The following GABRA3 variants were observed in gnomAD, a reference collection of about 807,000 sequenced individuals.
GABRA3 encodes gamma-aminobutyric acid receptor subunit alpha-3.
GABRA3 carries 10 observed loss-of-function variants against 30.1 expected under a neutral mutation model. The observed-to-expected ratio is 0.33, with a 90% CI of 0.20 to 0.56. The LOEUF is 0.56. Among genes scored for constraint, GABRA3 ranks in the 20% least tolerant of loss-of-function variants. The pLI is 0.89. For missense variants in GABRA3, 233 were observed against 392.0 expected (o/e 0.59, Z 3.42); for synonymous variants, 151 against 146.8 (o/e 1.03, Z -0.21).
At chrX:152,399,217 C>T (rs986012173) in intron 1 of GABRA3, among the ~76,000 whole-genome samples, 1 of 111,445 alleles carries the variant, frequency 9.0e-6, no homozygotes, top group African/African-American at 3.3e-5. Context: ...CAAGTTTAAT[C>T]CATGTATTCA....
chrX:152,333,613 T>C (rs1002852284), intron 3 of GABRA3, among the ~76,000 whole-genome samples: 4 of 112,015 alleles, frequency 3.6e-5, no homozygotes, highest in African/African-American at 1.3e-4. Context: ...ACAAATGTTA[T>C]TTTATCCTTC....
chrX:152,320,680 T>G (rs753097522), intron 3 of GABRA3, among the ~76,000 whole-genome samples: 30 of 110,953 alleles, frequency 2.7e-4, no homozygotes, highest in Admixed American at 4.8e-4. Flanking sequence ...AAGAACTTAC[T>G]CATGTAACAA....
intron 3 of GABRA3, among the ~76,000 whole-genome samples, chrX:152,314,973 T>C (rs1410772012): frequency 9.0e-6 from 1 of 110,815 alleles, no homozygotes; most frequent in African/African-American, 3.3e-5. Context: ...ATTTTTTTTC[T>C]AGGAAAAAAA....
chrX:152,439,569 T>C (rs1367702056), intron 1 of GABRA3, among the ~76,000 whole-genome samples: 1 of 111,487 alleles, frequency 9.0e-6, no homozygotes, highest in African/African-American at 3.3e-5. Context: ...AGTTAGACAT[T>C]TACTTTGCAT....
chrX:152,330,271 T>C (rs948840710), intron 3 of GABRA3, among the ~76,000 whole-genome samples: 3 of 111,872 alleles, frequency 2.7e-5, no homozygotes, highest in Admixed American at 9.5e-5. Context: ...CTAGTTCAAC[T>C]ATTGTGGAAG....
chrX:152,200,523 G>A (rs988485693), intron 7 of GABRA3, among the ~76,000 whole-genome samples: 4 of 108,948 alleles, frequency 3.7e-5, no homozygotes, highest in African/African-American at 1.3e-4. Flanking sequence ...TTCTTTCTTT[G>A]TTTTATCTTC....
At position 152,400,383 on chromosome X, in the gene GABRA3, C is replaced by T. The variant is rs191763962; in HGVS notation, c.-26-35787G>A. ...AATTAGCTGGGCATCGTGACACGTG[C>T]CTGTAGTCCCAGCTACTTGGAAGGC... On this transcript the variant is annotated intron_variant, in intron 1 of 9. Transcript: ENST00000370314. Among the ~76,000 whole-genome samples the T allele has an allele frequency of 4.1e-3, 451 of 110,585 alleles. 1 individual carries two copies. Among genetic ancestry groups the T allele is most frequent in the African/African-American group, 0.014 (415 of 30,423 alleles).
At chrX:152,209,728 C>G (rs778425401) in intron 6 of GABRA3, among the ~76,000 whole-genome samples, 248 of 112,383 alleles carry the variant, frequency 2.2e-3, no homozygotes, top group Non-Finnish European at 3.8e-3. Flanking sequence ...TTCAATACAC[C>G]TAAATAAGTC....
intron 3 of GABRA3, among the ~76,000 whole-genome samples, chrX:152,287,214 T>C (rs1939312651): frequency 1.8e-5 from 2 of 112,010 alleles, no homozygotes; most frequent in South Asian, 7.4e-4. Context: ...TGTAAGATAG[T>C]CATGCAGACT....
intron 4 of GABRA3, among the ~76,000 whole-genome samples, chrX:152,258,050 A>G (rs974894485): frequency 8.9e-6 from 1 of 111,978 alleles, no homozygotes; most frequent in Non-Finnish European, 1.9e-5. Context: ...CCTTAATGAC[A>G]AAACACCTAA....
chrX:152,243,117 T>C (rs973078559), intron 5 of GABRA3, among the ~76,000 whole-genome samples: 9 of 111,724 alleles, frequency 8.1e-5, no homozygotes, highest in African/African-American at 2.9e-4. Context: ...GAAAGACAAA[T>C]ACTCTACAAT....
At chrX:152,234,430 C>A (rs143561696) in intron 5 of GABRA3, among the ~76,000 whole-genome samples, 15,277 of 109,662 alleles carry the variant, frequency 0.14, 833 homozygotes, top group Admixed American at 0.22. Context: ...TGTCTATTCA[C>A]TTTTTTGATT....
chrX:152,185,790 T>C (rs1158453306), intron 9 of GABRA3, among the ~76,000 whole-genome samples: 1 of 112,222 alleles, frequency 8.9e-6, no homozygotes, highest in Non-Finnish European at 1.9e-5. Context: ...CAAATCAAAT[T>C]GAGCTTTTCC....
chrX:152,360,713 A>T (rs867501215), intron 2 of GABRA3, among the ~76,000 whole-genome samples: 1,417 of 70,478 alleles, frequency 0.02, 23 homozygotes, highest in East Asian at 0.065. Flanking sequence ...AAAAAAAATT[A>T]AAAAAAAAAA....
At chrX:152,208,533 A>C (rs780836847) in intron 6 of GABRA3, among the ~76,000 whole-genome samples, 1 of 111,418 alleles carries the variant, frequency 9.0e-6, no homozygotes, top group African/African-American at 3.3e-5. Context: ...AGGTTGACAA[A>C]ATTTGGATAT....
intron 5 of GABRA3, among the ~76,000 whole-genome samples, chrX:152,228,325 CT>C (rs1938004531): frequency 8.9e-6 from 1 of 111,838 alleles, no homozygotes; most frequent in Non-Finnish European, 1.9e-5. Context: ...TTTGCTTTTT[CT>C]GTCTCCTCTG....
At chrX:152,345,808 T>G in intron 2 of GABRA3, 106 bp from the exon 3 acceptor site, 2 of 684,615 alleles carry the variant, frequency 2.9e-6, no homozygotes, top group Non-Finnish European at 4.2e-6. Flanking sequence ...CTGGGCCAAT[T>G]ACATAGACCT....
intron 6 of GABRA3, among the ~76,000 whole-genome samples, chrX:152,212,573 A>C (rs1937645418): frequency 9.0e-6 from 1 of 110,698 alleles, no homozygotes; most frequent in African/African-American, 3.3e-5. Flanking sequence ...GGTGGAAAAG[A>C]GTGAAACTGA....
intron 3 of GABRA3, among the ~76,000 whole-genome samples, chrX:152,335,280 A>G (rs938888465): frequency 8.9e-6 from 1 of 111,930 alleles, no homozygotes; most frequent in African/African-American, 3.3e-5. Context: ...TCTCACCCCA[A>G]GAACTAGAAC....
Sources: gnomAD v4.1 joint callset for allele counts (sites outside exome capture counted in the v4.1 genomes callset) on GRCh38, gnomAD v4.1.1 for gene constraint, MANE v1.5 for transcripts, NCBI Gene and HGNC (gene_info 2026-07-23, HGNC 2026-07-21) for gene names.